The following GLG1 variants were observed in gnomAD, a reference collection of about 807,000 sequenced individuals.
The protein encoded by GLG1 is Golgi apparatus protein 1.
Under a neutral mutation model 160.5 loss-of-function variants are expected in GLG1, and 38 were observed. The ratio of observed to expected loss-of-function variants is 0.24; its 90% CI spans 0.18 to 0.31. The LOEUF (loss-of-function observed/expected upper bound fraction) is 0.31, where lower values mean the gene tolerates loss of function less well. Ranked by LOEUF, GLG1 falls within the 10% of genes least tolerant of loss-of-function variation. The probability of loss-of-function intolerance (pLI) is 1.00; values close to 1 mark genes in which losing one functional copy is unlikely to be tolerated. For synonymous variants in GLG1, 644 were observed against 543.4 expected (o/e 1.19, Z -2.57); for missense variants, 1,373 against 1,505.2 (o/e 0.91, Z 1.45).
At chr16:74,471,049 G>A (rs1342085484) in intron 15 of GLG1, 124 bp downstream of exon 15, 2 of 704,870 alleles carry the variant, frequency 2.8e-6, no homozygotes, top group East Asian at 2.5e-5. Flanking sequence ...GAGCCACCAC[G>A]CCTGGCTGGA....
In GLG1 at chr16:74,452,281, G is replaced by T; in HGVS notation, c.*886C>A. ...GAGTGACTGTAGCCTCAGCAGGGCC[G>T]GTCCAGACATGGCTGAGTCCTGTGC... On this transcript the variant is annotated 3_prime_UTR_variant, in exon 26 of 26. Coordinates refer to ENST00000422840, the MANE Select transcript of GLG1 (RefSeq NM_001145667.2). 6.8e-7 allele frequency: 1 copy of T among 1,463,238 alleles called. No individual in the cohort carries two copies. Among genetic ancestry groups the T allele is most frequent in the South Asian group, 1.4e-5 (1 of 73,182 alleles). 90.6% of individuals were successfully genotyped at this position (1,463,238 alleles called of 1,614,324 possible). A position where few individuals can be genotyped will look rare whatever the true frequency, so the allele number is the denominator to read the frequency against.
At position 74,533,820 on chromosome 16, in the gene GLG1, C is replaced by T. The variant is rs1389276040; in HGVS notation, c.439-1667G>A. On this transcript the variant is annotated intron_variant, in intron 1 of 25. Transcript: ENST00000422840. Reference sequence around the variant, plus strand: ...ATTTATTTTGAGTTTCCATAGTATTCGAATCTGTTTATATAAAGTGAATTC... The same window carrying T: ...ATTTATTTTGAGTTTCCATAGTATTTGAATCTGTTTATATAAAGTGAATTC... 3.9e-5 allele frequency among the ~76,000 whole-genome samples: 6 copies of T among 152,028 alleles called. 1 individual carries two copies. Among genetic ancestry groups the T allele is most frequent in the Non-Finnish European group, 7.4e-5 (5 of 68,000 alleles).
intron 4 of GLG1, among the ~76,000 whole-genome samples, chr16:74,501,905 C>T (rs1169285299): frequency 6.6e-6 from 1 of 152,136 alleles, no homozygotes; most frequent in African/African-American, 2.4e-5. Flanking sequence ...TTATGCCAAG[C>T]CACAGAGTTT....
chr16:74,459,698 G>A lies in GLG1; in HGVS notation c.3128C>T (p.Thr1043Ile). 7 of 1,564,494 alleles carry A rather than the reference G, an allele frequency of 4.5e-6. No individual in the cohort carries two copies. The highest frequency in any genetic ancestry group is 5.3e-6 in the Non-Finnish European group (6 of 1,138,544). The stretch of plus-strand genomic sequence containing the variant: ...GGTGGTTACCTTTTTACACAATTCT[G>A]TTTTGATCTTGAGCAGGTTGACCTT... ...CLKVNLLKIK[T>I]ELCKKEVLNM... is the part of the protein sequence containing the mutation. Residue 1043 changes from threonine to isoleucine, a missense_variant, in exon 23 of 26, where the codon ACA (threonine) becomes ATA (isoleucine). Physicochemically the swap from Thr to Ile is moderately conservative, Grantham distance 89. Transcript: ENST00000422840.
chr16:74,509,483 T>C (rs1023270893), intron 2 of GLG1, among the ~76,000 whole-genome samples: 3 of 151,990 alleles, frequency 2.0e-5, no homozygotes, highest in Non-Finnish European at 4.4e-5. Context: ...AGTGCTTTCA[T>C]AGATCGGTTT....
chr16:74,584,510 T>C lies in GLG1; in HGVS notation c.438+22147A>G, dbSNP rs563397773. ...TAGTTTCAGTTTCACTTTAGAAACC[T>C]ATCCTTAAATCCTAGGGAGCTAAGT... On this transcript the variant is annotated intron_variant, in intron 1 of 25. Coordinates refer to ENST00000422840, the MANE Select transcript of GLG1 (RefSeq NM_001145667.2). Among the ~76,000 whole-genome samples the C allele has an allele frequency of 2.6e-5, 4 of 152,316 alleles. No individual in the cohort carries two copies. The South Asian group carries it at 8.3e-4, about 32-fold the overall frequency.
intron 2 of GLG1, among the ~76,000 whole-genome samples, chr16:74,524,337 G>A (rs1415644728): frequency 6.6e-6 from 1 of 152,024 alleles, no homozygotes; most frequent in Non-Finnish European, 1.5e-5. Flanking sequence ...ATGTCTTGTT[G>A]CCAATCTTGG....
At chr16:74,465,021 T>G (rs1418748922) in intron 19 of GLG1, among the ~76,000 whole-genome samples, 5 of 152,102 alleles carry the variant, frequency 3.3e-5, no homozygotes, top group Admixed American at 6.5e-5. Context: ...GTATTTTTAG[T>G]AGAGACGGGG....
chr16:74,575,815 T>C (rs962625547), intron 1 of GLG1, among the ~76,000 whole-genome samples: 4 of 152,130 alleles, frequency 2.6e-5, no homozygotes, highest in African/African-American at 9.7e-5. Flanking sequence ...TTCAAATTCA[T>C]CACCAACAAA....
At chr16:74,591,628 G>A (rs994077253) in intron 1 of GLG1, among the ~76,000 whole-genome samples, 5 of 149,830 alleles carry the variant, frequency 3.3e-5, no homozygotes, top group South Asian at 2.1e-4. Flanking sequence ...ACTCTGTCTC[G>A]AAAAAAAAAG....
chr16:74,511,585 T>TAAAAAAAAA (rs1172903763), intron 2 of GLG1, among the ~76,000 whole-genome samples: 6 of 85,276 alleles, frequency 7.0e-5, no homozygotes, highest in East Asian at 3.4e-4. Flanking sequence ...CTTTTTTTTT[T>TAAAAAAAAA]AAAAAAAAAA....
At chr16:74,521,051 G>C (rs1215513880) in intron 2 of GLG1, among the ~76,000 whole-genome samples, 3 of 152,192 alleles carry the variant, frequency 2.0e-5, no homozygotes, top group African/African-American at 7.2e-5. Context: ...TTCCATAAGA[G>C]AGTAAGAGAA....
intron 15 of GLG1, among the ~76,000 whole-genome samples, chr16:74,470,656 C>G (rs1307038989): frequency 6.6e-6 from 1 of 152,016 alleles, no homozygotes; most frequent in Admixed American, 6.6e-5. Context: ...CCATGTTAGC[C>G]AGGTTGGTCT....
At chr16:74,526,135 G>C (rs2113312) in intron 2 of GLG1, among the ~76,000 whole-genome samples, 1 of 152,190 alleles carries the variant, frequency 6.6e-6, no homozygotes, top group Non-Finnish European at 1.5e-5. Context: ...GTAACAAACA[G>C]TTTTAAAGTA....
intron 1 of GLG1, among the ~76,000 whole-genome samples, chr16:74,565,258 G>A (rs2018622961): frequency 6.6e-6 from 1 of 152,090 alleles, no homozygotes; most frequent in East Asian, 1.9e-4. Context: ...GAACCCAGGG[G>A]GCAGAAGTTG....
intron 1 of GLG1, among the ~76,000 whole-genome samples, chr16:74,568,441 G>A (rs988664246): frequency 1.3e-4 from 19 of 146,390 alleles, no homozygotes; most frequent in African/African-American, 4.6e-4. Flanking sequence ...TTTTTGAGAC[G>A]GACTCTTGCT....
intron 1 of GLG1, among the ~76,000 whole-genome samples, chr16:74,553,315 G>A (rs193192070): frequency 2.0e-5 from 3 of 151,866 alleles, no homozygotes; most frequent in African/African-American, 4.8e-5. Context: ...TTCTGCTTTA[G>A]CCTCCCAAGG....
At chr16:74,528,187 G>A (rs1227503633) in intron 2 of GLG1, among the ~76,000 whole-genome samples, 7 of 152,086 alleles carry the variant, frequency 4.6e-5, no homozygotes, top group East Asian at 1.9e-4. Flanking sequence ...TTTTAATAGA[G>A]ACAGGATTTC....
At chr16:74,463,820 C>T (rs1382037854) in intron 19 of GLG1, 2 of 237,256 alleles carry the variant, frequency 8.4e-6, no homozygotes, top group Non-Finnish European at 1.6e-5. Context: ...GGTGATCCAC[C>T]CACCTGGGCT....
Sources: gnomAD v4.1 joint callset for allele counts (sites outside exome capture counted in the v4.1 genomes callset) on GRCh38, gnomAD v4.1.1 for gene constraint, MANE v1.5 for transcripts, NCBI Gene and HGNC (gene_info 2026-07-23, HGNC 2026-07-21) for gene names.